USP6NL: variants seen among roughly 807,000 people sequenced by gnomAD.
The protein encoded by USP6NL is USP6 N-terminal like, also known as USP6 N-terminal-like protein.
Under a neutral mutation model 61.9 loss-of-function variants are expected in USP6NL, and 26 were observed. The observed-to-expected ratio is 0.42, with a 90% CI of 0.31 to 0.58. The LOEUF (loss-of-function observed/expected upper bound fraction) is 0.58, where lower values mean the gene tolerates loss of function less well. Ranked by LOEUF, USP6NL falls within the 20% of genes least tolerant of loss-of-function variation. The pLI is 0.16. For missense variants in USP6NL, 1,114 were observed against 1,034.3 expected (o/e 1.08, Z -1.06); for synonymous variants, 432 against 390.1 (o/e 1.11, Z -1.27).
chr10:11,589,997 C>T lies in USP6NL; in HGVS notation c.4+7634G>A, dbSNP rs1838108766. 6.6e-6 allele frequency among the ~76,000 whole-genome samples: 1 copy of T among 152,140 alleles called. No individual in the cohort carries two copies. The highest frequency in any genetic ancestry group is 1.5e-5 in the Non-Finnish European group (1 of 68,020). On this transcript the variant is annotated intron_variant, in intron 2 of 14. Transcript: ENST00000609104. The surrounding 1 kb of genome is among the most constrained non-coding windows in gnomAD (Gnocchi z 4.7). ...TATCTCTGAACATGAATAAGAATAA[C>T]CCATAGGAGAAGTTTTCATTTTCAC...
intron 2 of USP6NL, among the ~76,000 whole-genome samples, chr10:11,546,450 G>A (rs1836274505): frequency 6.6e-6 from 1 of 152,112 alleles, no homozygotes; most frequent in Admixed American, 6.6e-5. Flanking sequence ...CGCCCAGGCT[G>A]GAGTGAAGTG....
At chr10:11,551,425 G>C (rs773684226) in intron 2 of USP6NL, among the ~76,000 whole-genome samples, 2 of 152,216 alleles carry the variant, frequency 1.3e-5, no homozygotes, top group African/African-American at 4.8e-5. Flanking sequence ...CCACTGAACC[G>C]ACAGATCAGA....
chr10:11,578,236 T>C (rs1468667521), intron 2 of USP6NL, among the ~76,000 whole-genome samples: 1 of 152,222 alleles, frequency 6.6e-6, no homozygotes, highest in Non-Finnish European at 1.5e-5. Flanking sequence ...CCCAAAGAGC[T>C]GGGATTATAA....
At position 11,512,961 on chromosome 10, in the gene USP6NL, G is replaced by A. The variant is rs534937224; in HGVS notation, c.196-3286C>T. Among the ~76,000 whole-genome samples, 41 of 152,252 alleles carry A rather than the reference G, an allele frequency of 2.7e-4. No individual in the cohort carries two copies. The Middle Eastern group carries it at 0.01, about 38-fold the overall frequency. Reference sequence around the variant, plus strand: ...ACCTTAATTGTCTCATCTATAAAACGAGAATTATTTTGATCATTGTTACAG... The same window carrying A: ...ACCTTAATTGTCTCATCTATAAAACAAGAATTATTTTGATCATTGTTACAG... On this transcript the variant is annotated intron_variant, in intron 5 of 14. Transcript: ENST00000609104.
rs938158287 is a variant in USP6NL, at chr10:11,489,893, G to T, written c.544-671C>A. ...CGTACTGGAACAGAATGCTCACAATGAATCTGTGGGTGCAATCTGAGCCGC... is the reference window on the plus strand; with the variant it reads ...CGTACTGGAACAGAATGCTCACAATTAATCTGTGGGTGCAATCTGAGCCGC... On this transcript the variant is annotated intron_variant, in intron 9 of 14. Coordinates refer to ENST00000609104, the MANE Select transcript of USP6NL (RefSeq NM_014688.5). The surrounding 1 kb of genome is among the most constrained non-coding windows in gnomAD (Gnocchi z 5.7). Among the ~76,000 whole-genome samples, 3 of 152,226 alleles carry T rather than the reference G, an allele frequency of 2.0e-5. No homozygotes were observed. Among genetic ancestry groups the T allele is most frequent in the African/African-American group, 7.2e-5 (3 of 41,450 alleles).
chr10:11,470,650 A>T lies in USP6NL; in HGVS notation c.1079-6801T>A, dbSNP rs1461596052. On this transcript the variant is annotated intron_variant, in intron 14 of 14. Transcript: ENST00000609104. The surrounding 1 kb of genome is among the most constrained non-coding windows in gnomAD (Gnocchi z 5.4). ...CTACCACCCCTAACCCCACCACACA[A>T]ACACTGCTCTACTTGTCTTTGGTTT... Among the ~76,000 whole-genome samples, 1 of 152,108 alleles carries T rather than the reference A, an allele frequency of 6.6e-6. No individual in the cohort carries two copies. The highest frequency in any genetic ancestry group is 2.4e-5 in the African/African-American group (1 of 41,394).
intron 2 of USP6NL, among the ~76,000 whole-genome samples, chr10:11,555,451 T>TATATATATATATATATATAG (rs1427219382): frequency 3.3e-5 from 2 of 61,004 alleles, no homozygotes; most frequent in African/African-American, 1.7e-4. Flanking sequence ...TATATATATA[T>TATATATATATATATATATAG]AGAGAGAGAG....
intron 10 of USP6NL, among the ~76,000 whole-genome samples, chr10:11,488,324 G>A (rs865984883): frequency 2.0e-5 from 3 of 152,252 alleles, no homozygotes; most frequent in Admixed American, 6.5e-5. Context: ...CTAATGAGGC[G>A]GGAGGATGGC....
At chr10:11,572,610 G>C (rs1236580761) in intron 2 of USP6NL, among the ~76,000 whole-genome samples, 3 of 151,900 alleles carry the variant, frequency 2.0e-5, no homozygotes, top group Non-Finnish European at 4.4e-5. Flanking sequence ...AAGACTTATG[G>C]AATCTCATAA....
chr10:11,586,337 A>G (rs1037366359), intron 2 of USP6NL, among the ~76,000 whole-genome samples: 1 of 151,824 alleles, frequency 6.6e-6, no homozygotes, highest in African/African-American at 2.4e-5. Flanking sequence ...ATCTTAAATG[A>G]CCAAAAAAAC....
rs994417185 is a variant in USP6NL, at chr10:11,540,127, C to T, written c.5-12560G>A. 4.6e-5 allele frequency among the ~76,000 whole-genome samples: 7 copies of T among 152,186 alleles called. No homozygotes were observed. Among genetic ancestry groups the T allele is most frequent in the African/African-American group, 1.7e-4 (7 of 41,442 alleles). ...CCCACAGAAACAAATCTATGTGATTCCTGTGAATTCTAACAGCTGTACTTT... is the reference window on the plus strand; with the variant it reads ...CCCACAGAAACAAATCTATGTGATTTCTGTGAATTCTAACAGCTGTACTTT... On this transcript the variant is annotated intron_variant, in intron 2 of 14. Coordinates refer to ENST00000609104, the MANE Select transcript of USP6NL (RefSeq NM_014688.5). This position sits in a 1 kb window ranked among gnomAD's most constrained non-coding sequence, Gnocchi z 5.0.
chr10:11,560,383 T>C (rs925043107), intron 2 of USP6NL, among the ~76,000 whole-genome samples: 1 of 152,174 alleles, frequency 6.6e-6, no homozygotes. Flanking sequence ...CCAGTCTAAC[T>C]TCTATGCTTT....
rs759030339 is a variant in USP6NL, at chr10:11,565,641, G to GA, written c.4+31989dup. ...TGGGTGACAGGGCAAGACTCCGTCT[G>GA]AAAAAAAAAAAAAAAGAATATATCA... is the stretch of plus-strand genomic sequence containing the variant. On this transcript the variant is annotated intron_variant, in intron 2 of 14. Coordinates refer to ENST00000609104, the MANE Select transcript of USP6NL (RefSeq NM_014688.5). The GA allele has an allele frequency of 5.0e-3, 614 of 122,978 alleles. 2 individuals carry two copies. The highest frequency in any genetic ancestry group is 9.2e-3 in the African/African-American group (305 of 33,046). 7.6% of individuals were successfully genotyped at this position (122,978 alleles called of 1,614,324 possible).
rs2096212876 is a variant in USP6NL, at chr10:11,461,155, T to C, written c.*1286A>G. The C allele has an allele frequency of 6.6e-6, 1 of 152,618 alleles. No homozygotes were observed. Among genetic ancestry groups the C allele is most frequent in the South Asian group, 2.1e-4 (1 of 4,836 alleles). 9.5% of individuals were successfully genotyped at this position (152,618 alleles called of 1,614,324 possible). A position where few individuals can be genotyped will look rare whatever the true frequency, so the allele number is the denominator to read the frequency against. On this transcript the variant is annotated 3_prime_UTR_variant, in exon 15 of 15. Coordinates refer to ENST00000609104, the MANE Select transcript of USP6NL (RefSeq NM_014688.5). Reference sequence around the variant, plus strand: ...AGCTCCCCAATTAAACACGAAGTCATACTCTCTTGGAGTGCCTAAATCTTT... The same window carrying C: ...AGCTCCCCAATTAAACACGAAGTCACACTCTCTTGGAGTGCCTAAATCTTT...
At chr10:11,502,383 C>G (rs1275296989) in intron 6 of USP6NL, among the ~76,000 whole-genome samples, 2 of 152,136 alleles carry the variant, frequency 1.3e-5, no homozygotes, top group Non-Finnish European at 2.9e-5. Flanking sequence ...ATTTTTTCCT[C>G]AAGTCTAATT....
At chr10:11,601,643 G>A (rs917400781) in intron 1 of USP6NL, among the ~76,000 whole-genome samples, 1 of 152,098 alleles carries the variant, frequency 6.6e-6, no homozygotes, top group Non-Finnish European at 1.5e-5. Flanking sequence ...ATATATAAAG[G>A]GGTTAAATGC....
chr10:11,609,164 A>C (rs1348007034), intron 1 of USP6NL, among the ~76,000 whole-genome samples: 1 of 152,146 alleles, frequency 6.6e-6, no homozygotes, highest in Non-Finnish European at 1.5e-5. Context: ...TCCCAGACTC[A>C]AAGGATTCTC....
Position 11,575,864 on chromosome 10 carries a change from T to A in USP6NL, c.4+21767A>T, listed in dbSNP as rs1837525334. Among the ~76,000 whole-genome samples the A allele has an allele frequency of 1.3e-5, 2 of 152,004 alleles. No individual in the cohort carries two copies. Among genetic ancestry groups the A allele is most frequent in the African/African-American group, 4.8e-5 (2 of 41,382 alleles). Reference sequence around the variant, plus strand: ...GATTAATCGAGTCAGGATAACAAAATGCAAAACAGGATCCCAGATTAGATA... The same window carrying A: ...GATTAATCGAGTCAGGATAACAAAAAGCAAAACAGGATCCCAGATTAGATA... On this transcript the variant is annotated intron_variant, in intron 2 of 14. Transcript: ENST00000609104. This position sits in a 1 kb window ranked among gnomAD's most constrained non-coding sequence, Gnocchi z 4.2.
chr10:11,522,356 T>C (rs958672310), intron 4 of USP6NL, among the ~76,000 whole-genome samples: 1 of 152,192 alleles, frequency 6.6e-6, no homozygotes, highest in Non-Finnish European at 1.5e-5. Flanking sequence ...AAAAAAATGC[T>C]CTTTTGATCA....
Sources: allele counts gnomAD v4.1 joint callset (sites outside exome capture counted in the v4.1 genomes callset), GRCh38; gene constraint gnomAD v4.1.1; non-coding constraint Gnocchi (gnomAD v3.1); transcripts MANE v1.5; gene names NCBI Gene and HGNC (gene_info 2026-07-23, HGNC 2026-07-21).